The following PARD3 variants were observed in gnomAD, a reference collection of about 807,000 sequenced individuals.
PARD3 encodes the protein par-3 family cell polarity regulator.
PARD3 carries 75 observed loss-of-function variants against 155.4 expected under a neutral mutation model. The observed-to-expected ratio is 0.48, with a 90% CI of 0.40 to 0.58. The LOEUF (loss-of-function observed/expected upper bound fraction) is 0.58, where lower values mean the gene tolerates loss of function less well. Among genes scored for constraint, PARD3 ranks in the 20% least tolerant of loss-of-function variants. The pLI is 0.00. For synonymous variants in PARD3, 576 were observed against 610.5 expected (o/e 0.94, Z 0.83); for missense variants, 1,642 against 1,721.7 (o/e 0.95, Z 0.82).
At chr10:34,281,001 A>G (rs1295293414) in intron 21 of PARD3, among the ~76,000 whole-genome samples, 1 of 152,204 alleles carries the variant, frequency 6.6e-6, no homozygotes, top group African/African-American at 2.4e-5. Context: ...TGTACCACAT[A>G]GTGTATATAC....
At chr10:34,801,139 G>A (rs1274766491) in intron 1 of PARD3, among the ~76,000 whole-genome samples, 1 of 152,236 alleles carries the variant, frequency 6.6e-6, no homozygotes, top group Non-Finnish European at 1.5e-5. Flanking sequence ...GGGGAAGCGT[G>A]AAGGCAAGAG....
At chr10:34,752,276 TAAA>T (rs75199461) in intron 1 of PARD3, among the ~76,000 whole-genome samples, 1 of 142,392 alleles carries the variant, frequency 7.0e-6, no homozygotes, top group African/African-American at 2.6e-5. Flanking sequence ...GCCTTTAGCT[TAAA>T]AAAAAAAAAA....
At chr10:34,255,876 A>AT (rs1331314253) in intron 22 of PARD3, among the ~76,000 whole-genome samples, 1 of 152,156 alleles carries the variant, frequency 6.6e-6, no homozygotes, top group Non-Finnish European at 1.5e-5. Flanking sequence ...TATTAAGTAC[A>AT]TTTTTCTATA....
Position 34,195,130 on chromosome 10 carries a change from G to A in PARD3, c.3420-63547C>T, listed in dbSNP as rs77350547. Among the ~76,000 whole-genome samples, 1,250 of 152,242 alleles carry A rather than the reference G, an allele frequency of 8.2e-3. 7 individuals carry two copies. Among genetic ancestry groups the A allele is most frequent in the Non-Finnish European group, 0.011 (725 of 68,018 alleles). ...AGGAAAACTGCAATCAATAATTAAC[G>A]GAGTAGCTGCAAAATAAGTTGCAAA... On this transcript the variant is annotated intron_variant, in intron 22 of 24. Transcript: ENST00000374788.
At chr10:34,781,072 C>T (rs868283437) in intron 1 of PARD3, among the ~76,000 whole-genome samples, 2 of 152,292 alleles carry the variant, frequency 1.3e-5, no homozygotes, top group African/African-American at 2.4e-5. Flanking sequence ...AGCTCAGGCT[C>T]GGTATCCAAA....
chr10:34,362,247 G>T (rs1271311162), intron 12 of PARD3, among the ~76,000 whole-genome samples: 1 of 151,996 alleles, frequency 6.6e-6, no homozygotes, highest in Non-Finnish European at 1.5e-5. Context: ...TGCAGTGAGT[G>T]GAGACCATGC....
intron 2 of PARD3, among the ~76,000 whole-genome samples, chr10:34,605,641 C>CTATATATATATATCTCCTA (rs2090260993): frequency 2.8e-5 from 1 of 35,566 alleles, no homozygotes; most frequent in Non-Finnish European, 4.7e-5. Context: ...TATATATCTC[C>CTATATATATATATCTCCTA]TATATATATA....
In PARD3 at chr10:34,634,552, C is replaced by T. The variant is rs182781798; in HGVS notation, c.222+61766G>A. ...AAGAAATACTCAGGCTTTAAATAAA[C>T]AGAAGAAACTGAAAGCAGGATAGGT... On this transcript the variant is annotated intron_variant, in intron 2 of 24. Transcript: ENST00000374788. Among the ~76,000 whole-genome samples the T allele has an allele frequency of 3.3e-3, 497 of 152,156 alleles. 3 individuals carry two copies. Among genetic ancestry groups the T allele is most frequent in the African/African-American group, 0.01 (434 of 41,510 alleles).
chr10:34,493,825 G>A (rs59999162), intron 3 of PARD3, among the ~76,000 whole-genome samples: 16 of 152,000 alleles, frequency 1.1e-4, no homozygotes, highest in South Asian at 8.3e-4. Context: ...AAATCTTCAC[G>A]TTCGAATTAT....
chr10:34,196,669 G>A (rs1950957416), intron 22 of PARD3, among the ~76,000 whole-genome samples: 1 of 150,516 alleles, frequency 6.6e-6, no homozygotes, highest in Admixed American at 6.6e-5. Flanking sequence ...TGCCTCCTGG[G>A]TTCATGCCAT....
chr10:34,336,282 T>C (rs1836175766), intron 17 of PARD3, 39 bp from the exon 18 acceptor site: 1 of 1,505,908 alleles, frequency 6.6e-7, no homozygotes, highest in African/African-American at 1.4e-5. Context: ...GCCCAGTTAG[T>C]TCCCATAGCC....
intron 21 of PARD3, among the ~76,000 whole-genome samples, chr10:34,282,358 A>G (rs189248080): frequency 2.7e-3 from 418 of 152,308 alleles, no homozygotes; most frequent in African/African-American, 8.9e-3. Flanking sequence ...CCTAGTTCCC[A>G]GAAGTATTGC....
intron 16 of PARD3, among the ~76,000 whole-genome samples, chr10:34,339,003 G>A (rs944558634): frequency 3.9e-5 from 6 of 152,070 alleles, no homozygotes; most frequent in Non-Finnish European, 7.4e-5. Context: ...ATACTACTAT[G>A]CTTAGGTGTA....
intron 1 of PARD3, among the ~76,000 whole-genome samples, chr10:34,799,405 T>G (rs74944061): frequency 0.022 from 3,372 of 151,992 alleles, 127 homozygotes; most frequent in African/African-American, 0.076. Flanking sequence ...TTCCAGCAAG[T>G]TCCCAAGAGA....
chr10:34,164,080 C>T (rs1017311748), intron 22 of PARD3, among the ~76,000 whole-genome samples: 3 of 151,914 alleles, frequency 2.0e-5, no homozygotes, highest in African/African-American at 7.3e-5. Context: ...TGAAAGACAG[C>T]GAGTAGTAAA....
intron 22 of PARD3, among the ~76,000 whole-genome samples, chr10:34,221,213 G>A (rs948314816): frequency 6.6e-6 from 1 of 152,152 alleles, no homozygotes; most frequent in East Asian, 1.9e-4. Flanking sequence ...CATGGTGCAT[G>A]GGAGAGGCCA....
intron 20 of PARD3, among the ~76,000 whole-genome samples, chr10:34,309,819 G>A (rs988156249): frequency 3.8e-5 from 5 of 131,650 alleles, no homozygotes; most frequent in African/African-American, 1.5e-4. Flanking sequence ...ATTGCTTGCA[G>A]GAGGCAAGAG....
chr10:34,129,675 CCTTTTTTTTTGTAATGTCAAGCCT>C (rs1482472646), intron 23 of PARD3, among the ~76,000 whole-genome samples: 2 of 80,494 alleles, frequency 2.5e-5, no homozygotes, highest in Non-Finnish European at 6.5e-5. Context: ...ATCAAATGTT[CCTTTTTTTTTGTAATGTCAAGCCT>C]CTTTTTTTTT....
intron 5 of PARD3, among the ~76,000 whole-genome samples, chr10:34,427,596 G>A (rs143655801): frequency 2.6e-5 from 4 of 152,196 alleles, no homozygotes; most frequent in South Asian, 2.1e-4. Flanking sequence ...CCTGCCTTGC[G>A]ATCTTTTGTT....
Sources: gnomAD v4.1 joint callset for allele counts (sites outside exome capture counted in the v4.1 genomes callset) on GRCh38, gnomAD v4.1.1 for gene constraint, MANE v1.5 for transcripts, NCBI Gene and HGNC (gene_info 2026-07-23, HGNC 2026-07-21) for gene names.